The following ZC3H11A variants were observed in gnomAD, a reference collection of about 807,000 sequenced individuals.
ZC3H11A encodes the protein zinc finger CCCH-type containing 11A, also known as zinc finger CCCH domain-containing protein 11A.
Under a neutral mutation model 90.8 loss-of-function variants are expected in ZC3H11A, and 22 were observed. The observed-to-expected ratio is 0.24, with a 90% CI of 0.17 to 0.35. The LOEUF (loss-of-function observed/expected upper bound fraction) is 0.35, where lower values mean the gene tolerates loss of function less well. Among genes scored for constraint, ZC3H11A ranks in the 10% least tolerant of loss-of-function variants. The pLI is 1.00. For missense variants in ZC3H11A, 701 were observed against 964.9 expected, an observed-to-expected ratio of 0.73 and a Z score of 3.62; for synonymous variants, 294 against 339.8, an observed-to-expected ratio of 0.87 and a Z score of 1.48.
At chr1:203,804,156 T>G (rs997397577) in intron 2 of ZC3H11A, among the ~76,000 whole-genome samples, 24 of 148,930 alleles carry the variant, frequency 1.6e-4, no homozygotes, top group Admixed American at 3.3e-4. Context: ...ATATGTGTTT[T>G]TTTTTTTTTT....
chr1:203,844,927 G>A (rs1687479706), intron 12 of ZC3H11A, among the ~76,000 whole-genome samples: 1 of 151,936 alleles, frequency 6.6e-6, no homozygotes, highest in Admixed American at 6.6e-5. Flanking sequence ...GCTCTTCGTG[G>A]GCAAACTTGC....
intron 2 of ZC3H11A, among the ~76,000 whole-genome samples, chr1:203,811,423 T>C (rs563864350): frequency 6.6e-6 from 1 of 152,270 alleles, no homozygotes; most frequent in Non-Finnish European, 1.5e-5. Flanking sequence ...TTGCTGGTCT[T>C]TCTAAAACCG....
chr1:203,804,448 G>T (rs192655796), intron 2 of ZC3H11A, among the ~76,000 whole-genome samples: 1 of 151,898 alleles, frequency 6.6e-6, no homozygotes, highest in Non-Finnish European at 1.5e-5. Flanking sequence ...CACCACGCCC[G>T]GCCCTTCCTG....
rs1163735693 is a variant in ZC3H11A at position 203,795,726 on chromosome 1, GAAGA to G, written c.-1651_-1648del. On this transcript the variant is annotated 5_prime_UTR_variant, in exon 1 of 18. Coordinates refer to ENST00000367210, the MANE Select transcript of ZC3H11A (RefSeq NM_001376342.1). ...ACGACGGACGGCAGCGGCCAAGCAAGAAGAAAGACGTGGCAGCAAGCGGGAGTCG... is the reference window on the plus strand; with the variant it reads ...ACGACGGACGGCAGCGGCCAAGCAAGAAGACGTGGCAGCAAGCGGGAGTCG... 6.6e-6 allele frequency: 1 copy of G among 152,244 alleles called. No individual in the cohort carries two copies. The highest frequency in any genetic ancestry group is 2.4e-5 in the African/African-American group (1 of 41,468). 9.4% of individuals were successfully genotyped at this position (152,244 alleles called of 1,614,324 possible). A position where few individuals can be genotyped will look rare whatever the true frequency, so the allele number is the denominator to read the frequency against.
chr1:203,805,838 G>T, intron 2 of ZC3H11A: 1 of 906,574 alleles, frequency 1.1e-6, no homozygotes, highest in Non-Finnish European at 1.8e-6. Context: ...AGTGCTTCTT[G>T]GATTTCATTT....
intron 4 of ZC3H11A, among the ~76,000 whole-genome samples, chr1:203,824,678 C>T (rs567316728): frequency 2.6e-5 from 4 of 152,272 alleles, no homozygotes; most frequent in Admixed American, 6.5e-5. Context: ...TTTGGTTCCA[C>T]GGCTTTTGGT....
chr1:203,840,938 A>G lies in ZC3H11A; in HGVS notation c.1042+564A>G, dbSNP rs562266929. On this transcript the variant is annotated intron_variant, in intron 12 of 17. Transcript: ENST00000367210. ...CACGAGCCACCGCACCCGGCTAAAT[A>G]GTAGGAAATTAGAAACAACTTAAAT... Among the ~76,000 whole-genome samples, 584 of 152,232 alleles carry G rather than the reference A, an allele frequency of 3.8e-3. 2 individuals carry two copies. The highest frequency in any genetic ancestry group is 6.8e-3 in the Middle Eastern group (2 of 294).
chr1:203,851,901 C>T (rs1172042918), intron 17 of ZC3H11A, among the ~76,000 whole-genome samples: 1 of 132,192 alleles, frequency 7.6e-6, no homozygotes, highest in Non-Finnish European at 1.5e-5. Flanking sequence ...CCCAGGAGGT[C>T]GAGGCTGCAG....
chr1:203,833,344 G>T (rs970277868), intron 9 of ZC3H11A, among the ~76,000 whole-genome samples: 5 of 137,572 alleles, frequency 3.6e-5, no homozygotes, highest in Non-Finnish European at 1.5e-5. Context: ...TAGCCTGGGC[G>T]ACAGAGTGAG....
At chr1:203,799,149 T>A in intron 1 of ZC3H11A, 3 of 1,483,796 alleles carry the variant, frequency 2.0e-6, no homozygotes, top group Non-Finnish European at 1.8e-6. Context: ...TTTACAAGAA[T>A]TAAATGACCA....
rs1452578087 is a variant in ZC3H11A at position 203,853,494 on chromosome 1, T to TA, written c.*1096dup. The TA allele has an allele frequency of 6.6e-6, 1 of 152,608 alleles. No homozygotes were observed. Among genetic ancestry groups the TA allele is most frequent in the Non-Finnish European group, 1.5e-5 (1 of 68,030 alleles). The allele number at this position is 152,608 out of a possible 1,614,324, so 9.5% of individuals were successfully genotyped here. ...GTTTCCTTCATATCACCTCAAGGTT[T>TA]AGATTTGTGAAGGAATAAGCATGAT... is the stretch of plus-strand genomic sequence containing the variant. On this transcript the variant is annotated 3_prime_UTR_variant, in exon 18 of 18. Transcript: ENST00000367210.
chr1:203,800,702 T>C, intron 1 of ZC3H11A: 1 of 332,202 alleles, frequency 3.0e-6, no homozygotes, highest in Non-Finnish European at 5.4e-6. Flanking sequence ...AGAGAAGATA[T>C]TTTTAATTAA....
intron 4 of ZC3H11A, among the ~76,000 whole-genome samples, chr1:203,821,828 G>A (rs992994903): frequency 2.0e-4 from 31 of 151,266 alleles, no homozygotes; most frequent in Admixed American, 5.3e-4. Flanking sequence ...CGCGATCTCC[G>A]CTCACTGCAA....
intron 2 of ZC3H11A, among the ~76,000 whole-genome samples, chr1:203,810,143 T>C (rs1435219570): frequency 3.3e-5 from 5 of 151,756 alleles, no homozygotes; most frequent in African/African-American, 1.2e-4. Context: ...TTTGTTTTTG[T>C]TTTTTGTTTT....
intron 1 of ZC3H11A, chr1:203,796,317 T>C: frequency 2.5e-6 from 1 of 398,116 alleles, no homozygotes; most frequent in Non-Finnish European, 4.4e-6. Context: ...GGAGCTTGTC[T>C]CAAACTCCAC....
chr1:203,812,092 C>G (rs1674671723), intron 2 of ZC3H11A, among the ~76,000 whole-genome samples: 1 of 152,170 alleles, frequency 6.6e-6, no homozygotes, highest in African/African-American at 2.4e-5. Context: ...GCTGGGATTA[C>G]ATGTATGAGT....
intron 4 of ZC3H11A, among the ~76,000 whole-genome samples, chr1:203,826,944 A>G (rs942613345): frequency 1.3e-5 from 2 of 150,970 alleles, no homozygotes; most frequent in East Asian, 1.9e-4. Flanking sequence ...GCAGTAATCT[A>G]TCTTCCCCTT....
chr1:203,838,172 C>T, intron 11 of ZC3H11A, 108 bp downstream of exon 11: 2 of 1,008,658 alleles, frequency 2.0e-6, no homozygotes, highest in Admixed American at 2.7e-5. Context: ...AATAGGTTAT[C>T]TTGTATTTGT....
At chr1:203,812,604 CG>C (rs1205523157) in intron 2 of ZC3H11A, among the ~76,000 whole-genome samples, 1 of 99,800 alleles carries the variant, frequency 1.0e-5, no homozygotes, top group African/African-American at 3.9e-5. Flanking sequence ...TTTTTTGAGA[CG>C]GAGTCTCACT....
Sources: allele counts gnomAD v4.1 joint callset (sites outside exome capture counted in the v4.1 genomes callset), GRCh38; gene constraint gnomAD v4.1.1; transcripts MANE v1.5; gene names NCBI Gene and HGNC (gene_info 2026-07-23, HGNC 2026-07-21).